The following PDE4D variants were observed in gnomAD, a reference collection of about 807,000 sequenced individuals.
The protein encoded by PDE4D is 3',5'-cyclic-AMP phosphodiesterase 4D.
Under a neutral mutation model 87.4 loss-of-function variants are expected in PDE4D, and 24 were observed. That is an observed-to-expected ratio of 0.27 (90% CI 0.20 to 0.39). The LOEUF is 0.39. Ranked by LOEUF, PDE4D falls within the 10% of genes least tolerant of loss-of-function variation. The pLI, the probability that PDE4D is intolerant of heterozygous loss-of-function variation, is 1.00. For synonymous variants in PDE4D, 384 were observed against 383.2 expected (o/e 1.00, Z -0.02); for missense variants, 714 against 1,041.0 (o/e 0.69, Z 4.32).
At chr5:60,411,580 T>A (rs979778479) in intron 1 of PDE4D, among the ~76,000 whole-genome samples, 7 of 152,220 alleles carry the variant, frequency 4.6e-5, no homozygotes, top group African/African-American at 1.7e-4. Context: ...TGCATACATT[T>A]ATTTTATACT....
At chr5:60,156,237 G>A (rs1473836361) in intron 2 of PDE4D, among the ~76,000 whole-genome samples, 4 of 152,256 alleles carry the variant, frequency 2.6e-5, no homozygotes, top group Non-Finnish European at 4.4e-5. Context: ...TTTGTTTATC[G>A]TGTTTGAATA....
intron 1 of PDE4D, among the ~76,000 whole-genome samples, chr5:60,325,343 C>A (rs1756686124): frequency 6.6e-6 from 1 of 152,140 alleles, no homozygotes; most frequent in Admixed American, 6.5e-5. Flanking sequence ...TCTTAAAGAT[C>A]TAAGATTTGT....
intron 1 of PDE4D, among the ~76,000 whole-genome samples, chr5:59,292,604 T>C (rs10472101): frequency 8.6e-5 from 13 of 152,040 alleles, no homozygotes; most frequent in Admixed American, 5.2e-4. Context: ...ACTCAGCACA[T>C]AAGTTTTTTT....
At chr5:59,700,071 C>T (rs764082738) in intron 1 of PDE4D, among the ~76,000 whole-genome samples, 2 of 152,116 alleles carry the variant, frequency 1.3e-5, no homozygotes, top group Non-Finnish European at 2.9e-5. Context: ...AATTTTAATA[C>T]CCTGCACAAT....
chr5:59,910,173 G>A (rs942337061), intron 3 of PDE4D, among the ~76,000 whole-genome samples: 9 of 152,090 alleles, frequency 5.9e-5, no homozygotes, highest in African/African-American at 1.9e-4. Flanking sequence ...CTCTTGAATT[G>A]TCATTTAATT....
At chr5:59,508,707 AT>A (rs1809728553) in intron 1 of PDE4D, among the ~76,000 whole-genome samples, 1 of 152,066 alleles carries the variant, frequency 6.6e-6, no homozygotes, top group South Asian at 2.1e-4. Flanking sequence ...AATTTAGTAA[AT>A]GAGCAAAAGA....
chr5:59,978,952 C>T (rs1435084), intron 3 of PDE4D, among the ~76,000 whole-genome samples: 95,234 of 151,830 alleles, frequency 0.63, 32,298 homozygotes, highest in East Asian at 0.83. Context: ...TTACTTAAGG[C>T]ATGTACATTG....
At chr5:59,296,093 T>G (rs900630326) in intron 1 of PDE4D, among the ~76,000 whole-genome samples, 4 of 152,038 alleles carry the variant, frequency 2.6e-5, no homozygotes, top group Admixed American at 6.6e-5. Flanking sequence ...AAAATCTGAC[T>G]GGCCTAACAA....
At chr5:59,978,920 T>C (rs573012749) in intron 3 of PDE4D, among the ~76,000 whole-genome samples, 3 of 152,328 alleles carry the variant, frequency 2.0e-5, no homozygotes, top group Admixed American at 2.0e-4. Flanking sequence ...TAGCATTTTT[T>C]TTTTTAGCAA....
chr5:60,316,548 A>G (rs1755621235), intron 1 of PDE4D, among the ~76,000 whole-genome samples: 2 of 152,170 alleles, frequency 1.3e-5, no homozygotes, highest in South Asian at 4.1e-4. Context: ...GAGAGAGGGC[A>G]TCCCTCTGTC....
chr5:60,301,982 T>C (rs1753942696), intron 1 of PDE4D, among the ~76,000 whole-genome samples: 1 of 152,248 alleles, frequency 6.6e-6, no homozygotes, highest in Non-Finnish European at 1.5e-5. Context: ...TATTTATTGA[T>C]TTGCATATGT....
At chr5:60,480,597 G>A (rs1246932372) in intron 1 of PDE4D, among the ~76,000 whole-genome samples, 1 of 152,092 alleles carries the variant, frequency 6.6e-6, no homozygotes, top group African/African-American at 2.4e-5. Flanking sequence ...TGATGCAAAA[G>A]TAATTGCAGT....
Position 59,147,077 on chromosome 5 carries a change from A to C in PDE4D, c.808+33518T>G, listed in dbSNP as rs540479810. On this transcript the variant is annotated intron_variant, in intron 5 of 14. Transcript: ENST00000340635. The stretch of plus-strand genomic sequence containing the variant: ...GTTGTGCACTCCTTATGAGAATCTA[A>C]TGCCTGATGATCTGAGGTGGTTTCA... Among the ~76,000 whole-genome samples, 22 of 152,210 alleles carry C rather than the reference A, an allele frequency of 1.4e-4. No individual in the cohort carries two copies. In the East Asian group the frequency reaches 4.1e-3, roughly 28 times the overall value.
intron 1 of PDE4D, among the ~76,000 whole-genome samples, chr5:59,302,523 A>AC (rs1219523653): frequency 2.9e-5 from 4 of 139,550 alleles, no homozygotes; most frequent in South Asian, 2.4e-4. Flanking sequence ...TTTATCCCTC[A>AC]CCCCCCTCCC....
chr5:59,979,885 GT>G (rs976293376), intron 3 of PDE4D, among the ~76,000 whole-genome samples: 3 of 151,786 alleles, frequency 2.0e-5, no homozygotes, highest in African/African-American at 4.8e-5. Context: ...TTTTTCTATA[GT>G]TTTTTTCTAT....
intron 11 of PDE4D, among the ~76,000 whole-genome samples, chr5:58,979,058 A>C (rs1744491681): frequency 6.6e-6 from 1 of 152,204 alleles, no homozygotes; most frequent in Non-Finnish European, 1.5e-5. Context: ...TAGCCTTACA[A>C]AAACCCTAAT....
chr5:60,235,782 C>A (rs1318597585), intron 1 of PDE4D, among the ~76,000 whole-genome samples: 1 of 151,850 alleles, frequency 6.6e-6, no homozygotes, highest in Non-Finnish European at 1.5e-5. Context: ...TTTGAGGGTG[C>A]AAATGCCTCC....
At chr5:59,837,858 A>G (rs1248676857) in intron 1 of PDE4D, among the ~76,000 whole-genome samples, 2 of 152,036 alleles carry the variant, frequency 1.3e-5, no homozygotes, top group Non-Finnish European at 2.9e-5. Flanking sequence ...TAATTACCAA[A>G]TGAACTCATT....
At chr5:60,514,437 A>C (rs1314785427) in intron 1 of PDE4D, among the ~76,000 whole-genome samples, 1 of 152,078 alleles carries the variant, frequency 6.6e-6, no homozygotes, top group Non-Finnish European at 1.5e-5. Flanking sequence ...GACAGTGCAA[A>C]ATCTTAAATG....
Sources: allele counts gnomAD v4.1 joint callset (sites outside exome capture counted in the v4.1 genomes callset), GRCh38; gene constraint gnomAD v4.1.1; transcripts MANE v1.5; gene names NCBI Gene and HGNC (gene_info 2026-07-23, HGNC 2026-07-21).